The following RBM41 variants were observed in gnomAD, a reference collection of about 807,000 sequenced individuals.
The protein encoded by RBM41 is RNA-binding protein 41.
In RBM41, 14 loss-of-function variants were observed where a neutral mutation model predicts 30.8. That is an observed-to-expected ratio of 0.45 (90% CI 0.30 to 0.71). The LOEUF is 0.71. Among genes scored for constraint, RBM41 ranks in the 30% least tolerant of loss-of-function variants. The probability of loss-of-function intolerance (pLI) is 0.08; values close to 1 mark genes in which losing one functional copy is unlikely to be tolerated. For missense variants in RBM41, 276 were observed against 326.3 expected (o/e 0.85, Z 1.19); for synonymous variants, 120 against 110.1 (o/e 1.09, Z -0.56).
At chrX:107,091,544 TG>T (rs1159513006) in intron 5 of RBM41, among the ~76,000 whole-genome samples, 1 of 112,093 alleles carries the variant, frequency 8.9e-6, no homozygotes, top group Non-Finnish European at 1.9e-5. Context: ...AATATTTACA[TG>T]GATCTAAAGT....
Position 107,069,394 on chromosome X carries a change from G to A in RBM41, c.1008C>T (p.Tyr336=). The part of the protein sequence containing the change: ...YNPGEPNKVL[Y]LKNLSPRVTE... ...TCACCCGAGGGCTAAGGTTCTTCAG[G>A]TATAATACCTAAAACAAATTGAGGA... The change falls in exon 7 of 8, where the codon TAC becomes TAT. Residue 336 remains tyrosine (Y), a synonymous_variant. Coordinates refer to ENST00000685964, the MANE Select transcript of RBM41 (RefSeq NM_001324242.2). 8.4e-7 allele frequency: 1 copy of A among 1,195,263 alleles called. No individual in the cohort carries two copies. The highest frequency in any genetic ancestry group is 1.1e-6 in the Non-Finnish European group (1 of 886,740).
At chrX:107,100,063 C>T (rs943266650) in intron 5 of RBM41, among the ~76,000 whole-genome samples, 3 of 112,004 alleles carry the variant, frequency 2.7e-5, no homozygotes, top group Non-Finnish European at 3.8e-5. Flanking sequence ...AGTTGGTGAA[C>T]GCAGGTGAAG....
In RBM41 at chrX:107,066,059, A is replaced by C. The variant is rs1602538751; in HGVS notation, c.*1468T>G. ...TTGATTATGTGAGATGTTTTATTTC[A>C]CGTTCATTTTTGAAAAATAGTTTTA... On this transcript the variant is annotated 3_prime_UTR_variant, in exon 8 of 8. Transcript: ENST00000685964. Among the ~76,000 whole-genome samples the C allele has an allele frequency of 1.8e-5, 2 of 111,766 alleles. No homozygotes were observed. Among genetic ancestry groups the C allele is most frequent in the African/African-American group, 3.2e-5 (1 of 30,780 alleles).
chrX:107,061,275 G>A (rs975189589), downstream of RBM41, among the ~76,000 whole-genome samples: 1 of 112,037 alleles, frequency 8.9e-6, no homozygotes. Context: ...TAAGTAAGAT[G>A]TTAGCATTAG....
intron 7 of RBM41, 130 bp from the exon 8 acceptor site, chrX:107,067,823 C>A: frequency 5.3e-6 from 4 of 756,239 alleles, no homozygotes; most frequent in Non-Finnish European, 6.9e-6. Flanking sequence ...TTGATTTGAT[C>A]ATTTTTTCTA....
At chrX:107,117,180 C>T (rs1174545307) in intron 1 of RBM41, among the ~76,000 whole-genome samples, 2 of 111,825 alleles carry the variant, frequency 1.8e-5, no homozygotes, top group Non-Finnish European at 3.8e-5. Flanking sequence ...CAGAAAGGTA[C>T]TTTTAAGCTG....
intron 6 of RBM41, among the ~76,000 whole-genome samples, chrX:107,075,732 A>G (rs1437110009): frequency 1.8e-5 from 2 of 111,886 alleles, no homozygotes; most frequent in African/African-American, 6.5e-5. Flanking sequence ...AGAAAATTAC[A>G]AATGTTGGCA....
In RBM41 at chrX:107,067,175, G is replaced by A. The variant is rs781731303; in HGVS notation, c.*352C>T. 4.6e-5 allele frequency: 35 copies of A among 759,284 alleles called. No homozygotes were observed. Among genetic ancestry groups the A allele is most frequent in the Middle Eastern group, 7.2e-4 (1 of 1,398 alleles). 62.6% of individuals were successfully genotyped at this position (759,284 alleles called of 1,213,427 possible). On this transcript the variant is annotated 3_prime_UTR_variant, in exon 8 of 8. Coordinates refer to ENST00000685964, the MANE Select transcript of RBM41 (RefSeq NM_001324242.2). Reference sequence around the variant, plus strand: ...ATTAGTTTTTTATTTCTGTGTATACGAAGCAGTCTAAGAAAGAATGTTATC... The same window carrying A: ...ATTAGTTTTTTATTTCTGTGTATACAAAGCAGTCTAAGAAAGAATGTTATC...
At chrX:107,069,582 G>A in intron 6 of RBM41, 180 bp from the exon 7 acceptor site, 1 of 390,785 alleles carries the variant, frequency 2.6e-6, no homozygotes, top group Non-Finnish European at 4.1e-6. Context: ...AGCCTCCCGA[G>A]TAGCTGGGAT....
intron 6 of RBM41, among the ~76,000 whole-genome samples, chrX:107,087,477 T>C (rs1285563): frequency 0.37 from 40,743 of 110,693 alleles, 8,108 homozygotes; most frequent in African/African-American, 0.77. Context: ...GCTCCAGGGG[T>C]TTGTGTTGTC....
At chrX:107,112,723 C>A (rs746089800) in intron 5 of RBM41, 2 of 226,366 alleles carry the variant, frequency 8.8e-6, no homozygotes, top group Admixed American at 5.4e-5. Context: ...TATTGATACA[C>A]GCAACAACTC....
At chrX:107,104,057 C>A (rs1186525415) in intron 5 of RBM41, among the ~76,000 whole-genome samples, 1 of 110,171 alleles carries the variant, frequency 9.1e-6, no homozygotes, top group Non-Finnish European at 1.9e-5. Context: ...TGATACAAAT[C>A]AGGGCCTGTT....
At chrX:107,111,993 T>C (rs112499071) in intron 5 of RBM41, among the ~76,000 whole-genome samples, 1,222 of 111,149 alleles carry the variant, frequency 0.011, 8 homozygotes, top group Non-Finnish European at 0.017. Context: ...CTTAATGCCA[T>C]AGAACTACAC....
chrX:107,055,604 G>A, the RBM41 span, among the ~76,000 whole-genome samples: 2 of 112,577 alleles, frequency 1.8e-5, no homozygotes, highest in African/African-American at 3.2e-5. Flanking sequence ...GATTACAGGC[G>A]TGAGCCACTG....
chrX:107,088,250 C>G (rs923042), intron 6 of RBM41, among the ~76,000 whole-genome samples, 186 bp downstream of exon 6: 5,677 of 111,552 alleles, frequency 0.051, 370 homozygotes, highest in African/African-American at 0.18. Context: ...TACCAAGAAC[C>G]TTATAGGAAA....
intron 6 of RBM41, among the ~76,000 whole-genome samples, chrX:107,079,164 T>C (rs1193619654): frequency 4.5e-5 from 5 of 111,885 alleles, no homozygotes; most frequent in African/African-American, 1.6e-4. Flanking sequence ...AAAATATGTA[T>C]TTATACTAAT....
intron 5 of RBM41, among the ~76,000 whole-genome samples, chrX:107,101,289 G>C (rs951241116): frequency 1.8e-5 from 2 of 111,521 alleles, no homozygotes; most frequent in African/African-American, 6.5e-5. Context: ...ACTATAAAGA[G>C]ATCGTTTGCA....
chrX:107,055,345 G>T, the RBM41 span, among the ~76,000 whole-genome samples: 1 of 111,020 alleles, frequency 9.0e-6, no homozygotes, highest in African/African-American at 3.3e-5. Flanking sequence ...TTTTTTTTGA[G>T]ACGGAGTCTT....
At position 107,107,635 on chromosome X, in the gene RBM41, T is replaced by G. The variant is rs758451820; in HGVS notation, c.595+5762A>C. Among the ~76,000 whole-genome samples the G allele has an allele frequency of 1.7e-4, 19 of 111,230 alleles. No individual in the cohort carries two copies. In the South Asian group the frequency reaches 6.9e-3, roughly 40 times the overall value. On this transcript the variant is annotated intron_variant, in intron 5 of 7. Transcript: ENST00000685964. ...AAATAGAGAAGGCAATTAGTCTGGT[T>G]GATTTGAGTTTGAGGTTTTGCTGGG...
Sources: allele counts gnomAD v4.1 joint callset (sites outside exome capture counted in the v4.1 genomes callset), GRCh38; gene constraint gnomAD v4.1.1; transcripts MANE v1.5; gene names NCBI Gene and HGNC (gene_info 2026-07-23, HGNC 2026-07-21).